The following EML6 variants were observed in gnomAD, a reference collection of about 807,000 sequenced individuals.
The protein encoded by EML6 is echinoderm microtubule-associated protein-like 6.
A neutral mutation model predicts 240.1 loss-of-function variants in EML6; 154 were observed. That is an observed-to-expected ratio of 0.64 (90% CI 0.56 to 0.73). The LOEUF is 0.73. EML6 is among the 30% of genes least tolerant of loss of function. The pLI, the probability that EML6 is intolerant of heterozygous loss-of-function variation, is 0.00. For missense variants in EML6, 2,964 were observed against 2,474.6 expected (o/e 1.20, Z -4.20); for synonymous variants, 1,148 against 899.0 (o/e 1.28, Z -4.95).
At chr2:54,807,041 C>T (rs1019923267) in intron 2 of EML6, among the ~76,000 whole-genome samples, 1 of 152,160 alleles carries the variant, frequency 6.6e-6, no homozygotes, top group Admixed American at 6.5e-5. Flanking sequence ...GCACAACTTA[C>T]AAATAATAAA....
intron 8 of EML6, 132 bp downstream of exon 8, chr2:54,844,380 CTCA>C (rs1189318174): frequency 4.3e-5 from 30 of 699,786 alleles, no homozygotes; most frequent in Non-Finnish European, 4.3e-5. Context: ...AGACATTTAG[CTCA>C]TCAAGTGGGT....
At chr2:54,746,342 C>T (rs929696466) in intron 2 of EML6, among the ~76,000 whole-genome samples, 2 of 151,188 alleles carry the variant, frequency 1.3e-5, no homozygotes, top group African/African-American at 2.4e-5. Flanking sequence ...TCAAAATGAT[C>T]CTTAATCAAG....
intron 21 of EML6, among the ~76,000 whole-genome samples, chr2:54,895,824 G>T (rs150027383): frequency 1.5e-4 from 23 of 152,272 alleles, no homozygotes; most frequent in African/African-American, 5.3e-4. Context: ...TCAGCTCCCA[G>T]AGGCTGCCCA....
At chr2:54,862,106 C>T (rs987528082) in intron 12 of EML6, among the ~76,000 whole-genome samples, 1 of 151,762 alleles carries the variant, frequency 6.6e-6, no homozygotes, top group Non-Finnish European at 1.5e-5. Context: ...GAGGCTAAGG[C>T]GGGTGGATCA....
chr2:54,896,165 T>C (rs751441526), intron 21 of EML6, among the ~76,000 whole-genome samples: 7 of 152,302 alleles, frequency 4.6e-5, no homozygotes, highest in Non-Finnish European at 8.8e-5. Context: ...AAGAGCCTTA[T>C]CACATTACAG....
At position 54,971,970 on chromosome 2, in the gene EML6, A is replaced by G. The variant is rs893165055; in HGVS notation, c.*1875A>G. On this transcript the variant is annotated 3_prime_UTR_variant, in exon 42 of 42. Coordinates refer to ENST00000356458, the MANE Select transcript of EML6 (RefSeq NM_001039753.4). ...GTGCATGAATTTATTTTCAAAGTAT[A>G]AAACACATCACTTAAACATTTTATG... 1 of 152,258 alleles carries G rather than the reference A, an allele frequency of 6.6e-6. No homozygotes were observed. Among genetic ancestry groups the G allele is most frequent in the African/African-American group, 2.4e-5 (1 of 41,472 alleles). 9.4% of individuals were successfully genotyped at this position (152,258 alleles called of 1,614,324 possible). A position where few individuals can be genotyped will look rare whatever the true frequency, so the allele number is the denominator to read the frequency against.
Position 54,844,091 on chromosome 2 carries a change from G to C in EML6, c.892G>C (p.Ala298Pro). Residue 298 changes from alanine to proline, a missense_variant, in exon 8 of 42, where the codon GCA becomes CCA. Coordinates refer to ENST00000356458, the MANE Select transcript of EML6 (RefSeq NM_001039753.4). ...GTGCTGGAAAGCAGACCGCCTTCTAGCAGGGACCCAGGACAGTGAGATATT... is the reference window on the plus strand; with the variant it reads ...GTGCTGGAAAGCAGACCGCCTTCTACCAGGGACCCAGGACAGTGAGATATT... ...SVCWKADRLL[A>P]GTQDSEIFEV... The C allele has an allele frequency of 1.3e-6, 2 of 1,550,446 alleles. No individual in the cohort carries two copies. Among genetic ancestry groups the C allele is most frequent in the Non-Finnish European group, 1.7e-6 (2 of 1,146,386 alleles).
chr2:54,894,216 A>G (rs1319229792), intron 19 of EML6, among the ~76,000 whole-genome samples: 1 of 151,656 alleles, frequency 6.6e-6, no homozygotes, highest in South Asian at 2.1e-4. Context: ...AAAAAAAAAA[A>G]CCTCTAAGAA....
intron 7 of EML6, among the ~76,000 whole-genome samples, chr2:54,837,258 A>C (rs7560750): frequency 0.011 from 1,606 of 152,318 alleles, 24 homozygotes; most frequent in African/African-American, 0.037. Flanking sequence ...TTTGTGGGGA[A>C]GGGTATTAAC....
chr2:54,851,206 C>T (rs975819300), intron 10 of EML6, among the ~76,000 whole-genome samples: 6 of 151,838 alleles, frequency 4.0e-5, no homozygotes, highest in Admixed American at 6.6e-5. Context: ...GTCAGGAGTT[C>T]GAAATCAACC....
At chr2:54,748,046 A>AT (rs1397191286) in intron 2 of EML6, among the ~76,000 whole-genome samples, 4 of 152,174 alleles carry the variant, frequency 2.6e-5, no homozygotes, top group African/African-American at 9.7e-5. Context: ...TCTGGGGAAA[A>AT]TGGGTTCCTT....
intron 2 of EML6, among the ~76,000 whole-genome samples, chr2:54,795,372 G>A (rs377746432): frequency 6.6e-6 from 1 of 152,128 alleles, no homozygotes; most frequent in Non-Finnish European, 1.5e-5. Context: ...TCACTATCAC[G>A]AGAACACAAG....
chr2:54,859,730 A>G (rs1022880920), intron 12 of EML6, 29 bp downstream of exon 12: 1 of 1,507,792 alleles, frequency 6.6e-7, no homozygotes, highest in Non-Finnish European at 8.9e-7. Context: ...TCTTAACATC[A>G]TTTTATTTTT....
chr2:54,791,315 G>A (rs563271442), intron 2 of EML6, among the ~76,000 whole-genome samples: 2 of 152,296 alleles, frequency 1.3e-5, no homozygotes, highest in Admixed American at 1.3e-4. Flanking sequence ...CTCTTTTGAA[G>A]ATAATTTATT....
chr2:54,912,701 C>T lies in EML6; in HGVS notation c.3498+1659C>T, dbSNP rs553775110. ...TGCGTTAATTCTCTTAATATAATGG[C>T]TTCTAGCTACATCCATGTTGCTGCA... On this transcript the variant is annotated intron_variant, in intron 25 of 41. Transcript: ENST00000356458. Among the ~76,000 whole-genome samples, 14 of 152,302 alleles carry T rather than the reference C, an allele frequency of 9.2e-5. No homozygotes were observed. In the East Asian group the frequency reaches 2.5e-3, roughly 27 times the overall value.
At chr2:54,744,541 A>AG (rs925125512) in intron 2 of EML6, among the ~76,000 whole-genome samples, 16 of 152,044 alleles carry the variant, frequency 1.1e-4, no homozygotes, top group Non-Finnish European at 2.4e-4. Flanking sequence ...GTGCAGAGTC[A>AG]GGGAGGCCAG....
chr2:54,748,663 G>A (rs1424210468), intron 2 of EML6, among the ~76,000 whole-genome samples: 1 of 152,042 alleles, frequency 6.6e-6, no homozygotes. Context: ...GGACTCAAAT[G>A]ATCCTCTCAC....
At chr2:54,870,402 C>T (rs1671191928) in intron 15 of EML6, among the ~76,000 whole-genome samples, 1 of 148,992 alleles carries the variant, frequency 6.7e-6, no homozygotes, top group African/African-American at 2.4e-5. Context: ...GGCCCTCCAA[C>T]TGAAAAGGTA....
intron 2 of EML6, among the ~76,000 whole-genome samples, chr2:54,766,019 C>T (rs1668174394): frequency 6.6e-6 from 1 of 151,936 alleles, no homozygotes; most frequent in African/African-American, 2.4e-5. Context: ...CCCTTCTTTC[C>T]ACCTCCTCCT....
Sources: gnomAD v4.1 joint callset for allele counts (sites outside exome capture counted in the v4.1 genomes callset) on GRCh38, gnomAD v4.1.1 for gene constraint, MANE v1.5 for transcripts, NCBI Gene and HGNC (gene_info 2026-07-23, HGNC 2026-07-21) for gene names.